RGS12: variants seen among roughly 807,000 people sequenced by gnomAD.
RGS12 encodes regulator of G protein signaling 12, also known as regulator of G-protein signaling 12.
In RGS12, 66 loss-of-function variants were observed where a neutral mutation model predicts 120.1. The ratio of observed to expected loss-of-function variants is 0.55; its 90% CI spans 0.45 to 0.67. The LOEUF (loss-of-function observed/expected upper bound fraction) is 0.67, where lower values mean the gene tolerates loss of function less well. RGS12 is among the 30% of genes least tolerant of loss of function. The pLI is 0.00. For missense variants in RGS12, 1,859 were observed against 1,957.7 expected, an observed-to-expected ratio of 0.95 and a Z score of 0.95; for synonymous variants, 827 against 804.7, an observed-to-expected ratio of 1.03 and a Z score of -0.47.
intron 1 of RGS12, among the ~76,000 whole-genome samples, chr4:3,309,784 CTG>C (rs1724241952): frequency 2.1e-5 from 3 of 142,530 alleles, no homozygotes; most frequent in African/African-American, 5.3e-5. Context: ...TGGCAGGTGT[CTG>C]CTGAGGGGAA....
At chr4:3,360,751 C>T (rs1248340505) in intron 3 of RGS12, among the ~76,000 whole-genome samples, 2 of 152,166 alleles carry the variant, frequency 1.3e-5, no homozygotes, top group Non-Finnish European at 2.9e-5. Context: ...CTCATCAAAA[C>T]ATACCGTTCC....
chr4:3,300,009 ACT>A (rs1723593280), intron 1 of RGS12, among the ~76,000 whole-genome samples: 1 of 152,086 alleles, frequency 6.6e-6, no homozygotes, highest in Non-Finnish European at 1.5e-5. Flanking sequence ...GTCTTTTCTA[ACT>A]CTGTGCTGCA....
At chr4:3,386,193 A>G (rs1718832799) in intron 3 of RGS12, 1 of 593,290 alleles carries the variant, frequency 1.7e-6, no homozygotes, top group African/African-American at 1.9e-5. Context: ...TTTCACATGA[A>G]AAGGATGACT....
intron 1 of RGS12, among the ~76,000 whole-genome samples, chr4:3,315,745 C>T (rs1010657439): frequency 2.6e-5 from 4 of 152,204 alleles, no homozygotes; most frequent in African/African-American, 4.8e-5. Flanking sequence ...TGCCAGTCCA[C>T]GGACCACACT....
intron 4 of RGS12, chr4:3,413,147 C>T (rs1259742137): frequency 5.4e-5 from 4 of 73,638 alleles, no homozygotes; most frequent in African/African-American, 2.1e-4. Context: ...ACACTGCTCG[C>T]GTCAGGAGGG....
intron 8 of RGS12, 77 bp from the exon 9 acceptor site, chr4:3,417,311 G>T: frequency 6.8e-7 from 1 of 1,461,764 alleles, no homozygotes; most frequent in Non-Finnish European, 9.2e-7. Context: ...TTACAGCTCA[G>T]TATTGCCTCC....
chr4:3,316,892 C>T lies in RGS12; in HGVS notation c.722C>T (p.Pro241Leu). 1 of 1,614,084 alleles carries T rather than the reference C, an allele frequency of 6.2e-7. No homozygotes were observed. The highest frequency in any genetic ancestry group is 1.1e-5 in the South Asian group (1 of 91,090). Residue 241 changes from proline (P) to leucine (L), a missense_variant, in exon 2 of 18, where the codon CCT (proline) becomes CTT (leucine). By Grantham distance (98) the Pro-to-Leu change is moderately conservative. This residue lies in a region of RGS12 where 967 missense variants were observed against 994.2 expected (regional missense o/e 0.97). Transcript: ENST00000336727. ...GGCTACTTAGGCTCCATTGAGCTTCCTTCCACGAGCTCCAACCTGGAGTCC... is the reference window on the plus strand; with the variant it reads ...GGCTACTTAGGCTCCATTGAGCTTCTTTCCACGAGCTCCAACCTGGAGTCC... ...IVGYLGSIEL[P>L]STSSNLESDS...
At position 3,439,857 on chromosome 4, in the gene RGS12, A is replaced by T; in HGVS notation, c.*173A>T. 1.7e-6 allele frequency: 1 copy of T among 605,958 alleles called. No individual in the cohort carries two copies. Among genetic ancestry groups the T allele is most frequent in the East Asian group, 3.2e-5 (1 of 31,394 alleles). 37.5% of individuals were successfully genotyped at this position (605,958 alleles called of 1,614,324 possible). The stretch of plus-strand genomic sequence containing the variant: ...GCCCCGGACATTCGCCATGCTGGCC[A>T]TGGGGCTCCCTGGCCCTGGCCTCCT... On this transcript the variant is annotated 3_prime_UTR_variant, in exon 18 of 18. Transcript: ENST00000336727.
chr4:3,303,026 G>C lies in RGS12; in HGVS notation c.-102+9927G>C, dbSNP rs1449940512. On this transcript the variant is annotated intron_variant, in intron 1 of 17. Coordinates refer to ENST00000336727, the MANE Select transcript of RGS12 (RefSeq NM_001394154.1). ...CACCTGGAGCTGCTGCAGAAGCCAC[G>C]AGACAGTTCTTGAATGAATAAACGA... 2.6e-5 allele frequency among the ~76,000 whole-genome samples: 4 copies of C among 152,288 alleles called. No individual in the cohort carries two copies. The East Asian group carries it at 5.8e-4, about 22-fold the overall frequency.
At chr4:3,294,057 A>T (rs1377575046) in intron 1 of RGS12, among the ~76,000 whole-genome samples, 1 of 43,810 alleles carries the variant, frequency 2.3e-5, no homozygotes, top group Non-Finnish European at 4.0e-5. Context: ...CTGCTTGGTC[A>T]CTTGCTGGGA....
At chr4:3,293,662 GC>G (rs1560632779) in intron 1 of RGS12, among the ~76,000 whole-genome samples, 2 of 151,972 alleles carry the variant, frequency 1.3e-5, no homozygotes, top group Non-Finnish European at 2.9e-5. Context: ...ACAGAGAGGG[GC>G]CCAAAGCTGT....
At chr4:3,434,241 CA>C (rs1174529650) in intron 17 of RGS12, among the ~76,000 whole-genome samples, 1 of 152,130 alleles carries the variant, frequency 6.6e-6, no homozygotes, top group Non-Finnish European at 1.5e-5. Context: ...CTTATAAAAC[CA>C]TCAGCTCTCC....
chr4:3,365,867 A>G lies in RGS12; in HGVS notation c.1999-20549A>G, dbSNP rs1181431940. 1.3e-5 allele frequency among the ~76,000 whole-genome samples: 2 copies of G among 152,210 alleles called. No individual in the cohort carries two copies. Among genetic ancestry groups the G allele is most frequent in the Admixed American group, 1.3e-4 (2 of 15,280 alleles). On this transcript the variant is annotated intron_variant, in intron 3 of 17. Coordinates refer to ENST00000336727, the MANE Select transcript of RGS12 (RefSeq NM_001394154.1). This position sits in a 1 kb window ranked among gnomAD's most constrained non-coding sequence, Gnocchi z 4.0. ...CTCCGGACATGTAATAGGATTCTTC[A>G]GTGCTTCAGGGCCTTCTCATTGAGT...
Position 3,389,221 on chromosome 4 carries a change from G to GCCACCC in RGS12, c.2020+2784_2020+2785insCCACCC, listed in dbSNP as rs1719203780. Among the ~76,000 whole-genome samples the GCCACCC allele has an allele frequency of 6.6e-6, 1 of 152,088 alleles. No individual in the cohort carries two copies. The highest frequency in any genetic ancestry group is 2.1e-4 in the South Asian group (1 of 4,814). On this transcript the variant is annotated intron_variant, in intron 4 of 17. Coordinates refer to ENST00000336727, the MANE Select transcript of RGS12 (RefSeq NM_001394154.1). This position sits in a 1 kb window ranked among gnomAD's most constrained non-coding sequence, Gnocchi z 5.2. Reference sequence around the variant, plus strand: ...GTTTTTTCACTTTTTCAGAAGAAAGGGGCTGATAATGGCCACCCGTTTGTA... The same window carrying GCCACCC: ...GTTTTTTCACTTTTTCAGAAGAAAGGCCACCCGGCTGATAATGGCCACCCGTTTGTA...
Position 3,439,810 on chromosome 4 carries a change from G to A in RGS12, c.*126G>A. ...CAGGAGCCCAGCCAGGAGGGCAGGG[G>A]GTGACCTCGCTGGAGGCACTGGCCC... On this transcript the variant is annotated 3_prime_UTR_variant, in exon 18 of 18. Transcript: ENST00000336727. The A allele has an allele frequency of 1.1e-6, 1 of 926,398 alleles. No homozygotes were observed. Among genetic ancestry groups the A allele is most frequent in the Non-Finnish European group, 1.6e-6 (1 of 638,014 alleles). 57.4% of individuals were successfully genotyped at this position (926,398 alleles called of 1,614,324 possible). A position where few individuals can be genotyped will look rare whatever the true frequency, so the allele number is the denominator to read the frequency against.
At chr4:3,364,038 C>G (rs1390516946) in intron 3 of RGS12, among the ~76,000 whole-genome samples, 1 of 152,188 alleles carries the variant, frequency 6.6e-6, no homozygotes, top group Non-Finnish European at 1.5e-5. Context: ...CTTCCCTCTC[C>G]GATTCTGCAC....
chr4:3,313,717 C>G (rs942244369), intron 1 of RGS12, among the ~76,000 whole-genome samples: 7 of 152,184 alleles, frequency 4.6e-5, no homozygotes, highest in African/African-American at 1.2e-4. Context: ...TGCCTGGGCT[C>G]GAGACCCATC....
At chr4:3,351,963 T>C (rs1352831561) in intron 3 of RGS12, among the ~76,000 whole-genome samples, 1 of 152,054 alleles carries the variant, frequency 6.6e-6, no homozygotes, top group Non-Finnish European at 1.5e-5. Context: ...TTATTTTTGC[T>C]CTCAGATCAT....
chr4:3,314,757 A>G (rs1174244665), intron 1 of RGS12: 1 of 152,254 alleles, frequency 6.6e-6, no homozygotes, highest in Non-Finnish European at 1.5e-5. Context: ...TTGTGTCTTC[A>G]CAACACAATC....
Sources: allele counts gnomAD v4.1 joint callset (sites outside exome capture counted in the v4.1 genomes callset), GRCh38; gene constraint gnomAD v4.1.1; regional missense constraint gnomAD v4.1.1; non-coding constraint Gnocchi (gnomAD v3.1); transcripts MANE v1.5; gene names NCBI Gene and HGNC (gene_info 2026-07-23, HGNC 2026-07-21).